The following POFUT3 variants were observed in gnomAD, a reference collection of about 807,000 sequenced individuals.
The protein encoded by POFUT3 is GDP-fucose protein O-fucosyltransferase 3.
chr8:33,380,150 CTATATATATATACTATATATATATACTA>C, the POFUT3 span, among the ~76,000 whole-genome samples: 2 of 44,746 alleles, frequency 4.5e-5, 1 homozygote, highest in African/African-American at 3.1e-4. Flanking sequence ...TATATATACA[CTATATATATATACTATATATATATACTA>C]TATATATATA....
the POFUT3 span, among the ~76,000 whole-genome samples, chr8:33,390,525 C>T: frequency 7.4e-6 from 1 of 135,624 alleles, no homozygotes; most frequent in Non-Finnish European, 1.6e-5. Flanking sequence ...GGAAAGCAAC[C>T]AGGTCAGCAG....
chr8:33,338,199 C>T, the POFUT3 span, among the ~76,000 whole-genome samples: 11 of 152,274 alleles, frequency 7.2e-5, no homozygotes, highest in African/African-American at 2.4e-4. Context: ...ATATGTGAAT[C>T]GCAGTGGTGG....
At chr8:33,444,299 C>G in the POFUT3 span, among the ~76,000 whole-genome samples, 1 of 152,018 alleles carries the variant, frequency 6.6e-6, no homozygotes, top group Non-Finnish European at 1.5e-5. Context: ...CCAGTTGGAG[C>G]AATGGCAAGT....
chr8:33,349,736 A>G, the POFUT3 span, among the ~76,000 whole-genome samples: 1 of 152,190 alleles, frequency 6.6e-6, no homozygotes, highest in Non-Finnish European at 1.5e-5. Flanking sequence ...TTGTTCTGCC[A>G]TAAACATGCA....
chr8:33,416,122 G>C, the POFUT3 span, among the ~76,000 whole-genome samples: 2 of 152,032 alleles, frequency 1.3e-5, no homozygotes, highest in African/African-American at 4.8e-5. Flanking sequence ...ACAAAATTAA[G>C]AGCAATATAA....
chr8:33,431,423 C>G, the POFUT3 span, among the ~76,000 whole-genome samples: 1 of 151,488 alleles, frequency 6.6e-6, no homozygotes, highest in Non-Finnish European at 1.5e-5. Context: ...TGGCATGTAC[C>G]TGTAGTCCCA....
At chr8:33,407,614 T>TA in the POFUT3 span, among the ~76,000 whole-genome samples, 1 of 152,098 alleles carries the variant, frequency 6.6e-6, no homozygotes, top group Admixed American at 6.5e-5. Flanking sequence ...TGAAATCAGG[T>TA]AAGTAATGCA....
At chr8:33,448,186 A>ATTT in the POFUT3 span, among the ~76,000 whole-genome samples, 4,480 of 150,788 alleles carry the variant, frequency 0.03, 91 homozygotes, top group Non-Finnish European at 0.04. Context: ...ACAAAAAAAA[A>ATTT]TTTTTTTTTA....
chr8:33,392,928 C>A, the POFUT3 span, among the ~76,000 whole-genome samples: 2 of 151,966 alleles, frequency 1.3e-5, no homozygotes, highest in Admixed American at 1.3e-4. Context: ...TTTCAGTGAC[C>A]CAAGATTGCA....
the POFUT3 span, among the ~76,000 whole-genome samples, chr8:33,406,542 T>A: frequency 6.6e-6 from 1 of 151,910 alleles, no homozygotes; most frequent in African/African-American, 2.4e-5. Flanking sequence ...GCTCAAGCAA[T>A]CCTCCTGCCT....
the POFUT3 span, among the ~76,000 whole-genome samples, chr8:33,333,276 GAGT>G: frequency 6.6e-6 from 1 of 152,332 alleles, no homozygotes; most frequent in East Asian, 1.9e-4. Flanking sequence ...AACAGAGGCA[GAGT>G]GGAAAGGATG....
the POFUT3 span, among the ~76,000 whole-genome samples, chr8:33,347,105 T>C: frequency 4.6e-5 from 7 of 152,310 alleles, no homozygotes; most frequent in African/African-American, 1.7e-4. Flanking sequence ...CTCCTTCTCC[T>C]GCGCCTGTCA....
chr8:33,329,930 A>C, the POFUT3 span, among the ~76,000 whole-genome samples: 2 of 152,172 alleles, frequency 1.3e-5, no homozygotes, highest in Non-Finnish European at 2.9e-5. Context: ...ATACTTAATA[A>C]TAGAAGGAAG....
chr8:33,449,702 C>T, the POFUT3 span, among the ~76,000 whole-genome samples: 1 of 151,984 alleles, frequency 6.6e-6, no homozygotes, highest in Admixed American at 6.6e-5. Flanking sequence ...AGCTCTGGTC[C>T]CAATATGTCC....
At chr8:33,382,453 T>A in the POFUT3 span, among the ~76,000 whole-genome samples, 1 of 151,964 alleles carries the variant, frequency 6.6e-6, no homozygotes, top group African/African-American at 2.4e-5. Flanking sequence ...AAACAAAAAA[T>A]TTCGGAAGTT....
At chr8:33,410,779 G>C in the POFUT3 span, among the ~76,000 whole-genome samples, 1 of 152,130 alleles carries the variant, frequency 6.6e-6, no homozygotes. Flanking sequence ...CCATCTGATG[G>C]TTTGTAATGA....
the POFUT3 span, among the ~76,000 whole-genome samples, chr8:33,471,237 T>TTTGTTG: frequency 4.0e-5 from 6 of 151,832 alleles, no homozygotes; most frequent in Admixed American, 6.6e-5. Flanking sequence ...GTTTTTGTTT[T>TTTGTTG]TTGTTGTTGT....
the POFUT3 span, among the ~76,000 whole-genome samples, chr8:33,410,859 A>T: frequency 5.9e-5 from 9 of 152,244 alleles, no homozygotes; most frequent in South Asian, 1.0e-3. Flanking sequence ...GCAACCTGAA[A>T]GCAGAACTGG....
chr8:33,400,500 G>C, the POFUT3 span, among the ~76,000 whole-genome samples: 1 of 151,454 alleles, frequency 6.6e-6, no homozygotes, highest in Admixed American at 6.6e-5. Flanking sequence ...TAAATGGAGG[G>C]GTGGATAGAC....
Sources: allele counts gnomAD v4.1 joint callset (sites outside exome capture counted in the v4.1 genomes callset), GRCh38; gene constraint gnomAD v4.1.1; transcripts MANE v1.5; gene names NCBI Gene and HGNC (gene_info 2026-07-23, HGNC 2026-07-21).